The following RAF1 variants were observed in gnomAD, a reference collection of about 807,000 sequenced individuals.
The protein encoded by RAF1 is Raf-1 proto-oncogene, serine/threonine kinase.
In RAF1, 27 loss-of-function variants were observed where a neutral mutation model predicts 81.1. The observed-to-expected ratio is 0.33, with a 90% CI of 0.25 to 0.46. The LOEUF (loss-of-function observed/expected upper bound fraction) is 0.46. RAF1 is among the 20% of genes least tolerant of loss of function. The pLI, the probability that RAF1 is intolerant of heterozygous loss-of-function variation, is 1.00. For missense variants in RAF1, 598 were observed against 826.0 expected, an observed-to-expected ratio of 0.72 and a Z score of 3.38; for synonymous variants, 298 against 294.0, an observed-to-expected ratio of 1.01 and a Z score of -0.14.
At position 12,611,961 on chromosome 3, in the gene RAF1, G is replaced by A. The variant is rs1057520880; in HGVS notation, c.309C>T (p.His103=). The change falls in exon 3 of 18, where the codon CAC becomes CAT. Residue 103 remains histidine, a synonymous_variant. Coordinates refer to ENST00000442415, the MANE Select transcript of RAF1 (RefSeq NM_001354689.3). ...TTTTGAGCTCTTACCCTTTGTGTTC[G>A]TGGAGAAGTCTGAACACTGCACAGC... is the stretch of plus-strand genomic sequence containing the variant. 6.2e-6 allele frequency: 10 copies of A among 1,613,624 alleles called. No individual in the cohort carries two copies. The highest frequency in any genetic ancestry group is 4.5e-5 in the East Asian group (2 of 44,880).
intron 5 of RAF1, among the ~76,000 whole-genome samples, chr3:12,607,859 G>A (rs1173304901): frequency 1.4e-5 from 2 of 145,322 alleles, no homozygotes; most frequent in Non-Finnish European, 3.0e-5. Context: ...GCTGAGGCAG[G>A]AGAATCACTT....
chr3:12,613,649 G>A (rs2059287211), intron 2 of RAF1, among the ~76,000 whole-genome samples: 1 of 152,172 alleles, frequency 6.6e-6, no homozygotes, highest in South Asian at 2.1e-4. Context: ...GGCCCTTCTA[G>A]TTACCAGGCT....
At chr3:12,652,490 C>T (rs1355938879) in intron 1 of RAF1, among the ~76,000 whole-genome samples, 1 of 152,012 alleles carries the variant, frequency 6.6e-6, no homozygotes, top group African/African-American at 2.4e-5. Context: ...CACTGCACTC[C>T]AGCCTGGGCG....
intron 1 of RAF1, among the ~76,000 whole-genome samples, chr3:12,633,166 C>T (rs1007788993): frequency 6.6e-6 from 1 of 151,854 alleles, no homozygotes; most frequent in African/African-American, 2.4e-5. Flanking sequence ...TTTTAGGAAA[C>T]CCTCGAATAT....
intron 1 of RAF1, among the ~76,000 whole-genome samples, chr3:12,634,709 G>C (rs970348313): frequency 1.3e-5 from 2 of 152,048 alleles, no homozygotes; most frequent in East Asian, 1.9e-4. Flanking sequence ...GAGGAAAGTG[G>C]TTGGAGGAAG....
At chr3:12,601,541 A>G (rs1029969296) in intron 8 of RAF1, among the ~76,000 whole-genome samples, 5 of 152,204 alleles carry the variant, frequency 3.3e-5, no homozygotes, top group African/African-American at 1.2e-4. Context: ...ATATCCTAAA[A>G]AAGGACATTT....
intron 1 of RAF1, among the ~76,000 whole-genome samples, chr3:12,659,478 A>C (rs2060810102): frequency 6.7e-6 from 1 of 148,482 alleles, no homozygotes; most frequent in Non-Finnish European, 1.5e-5. Flanking sequence ...CTATACCAAA[A>C]GTACCAACTG....
intron 11 of RAF1, among the ~76,000 whole-genome samples, chr3:12,594,331 G>GGGGAC (rs2058620690): frequency 6.6e-6 from 1 of 152,234 alleles, no homozygotes; most frequent in African/African-American, 2.4e-5. Context: ...TTTAACGGGA[G>GGGGAC]GGGACAGGAC....
At chr3:12,602,703 T>C (rs895413191) in intron 8 of RAF1, among the ~76,000 whole-genome samples, 1 of 152,192 alleles carries the variant, frequency 6.6e-6, no homozygotes, top group African/African-American at 2.4e-5. Context: ...TATATTATTG[T>C]ATTATCAGGA....
chr3:12,653,325 T>C (rs2060591510), intron 1 of RAF1, among the ~76,000 whole-genome samples: 1 of 152,110 alleles, frequency 6.6e-6, no homozygotes, highest in African/African-American at 2.4e-5. Flanking sequence ...ACTACAGTAA[T>C]TTCATAGCCA....
Position 12,583,990 on chromosome 3 carries a change from AG to A in RAF1, c.*523del. 4 of 252,776 alleles carry A rather than the reference AG, an allele frequency of 1.6e-5. No individual in the cohort carries two copies. Among genetic ancestry groups the A allele is most frequent in the South Asian group, 1.2e-4 (1 of 8,066 alleles). The allele number at this position is 252,776 out of a possible 1,614,324, so 15.7% of individuals were successfully genotyped here. A position where few individuals can be genotyped will look rare whatever the true frequency, so the allele number is the denominator to read the frequency against. ...CCTAAGAAAAGTTCCATAGTACCAA[AG>A]CAGGCTCCTTCGGGCGGCCAGAGTC... On this transcript the variant is annotated 3_prime_UTR_variant, in exon 18 of 18. Transcript: ENST00000442415.
rs143428330 is a variant in RAF1, at chr3:12,602,127, T to C, written c.894+1351A>G. Among the ~76,000 whole-genome samples, 718 of 152,352 alleles carry C rather than the reference T, an allele frequency of 4.7e-3. 8 individuals carry two copies. Among genetic ancestry groups the C allele is most frequent in the African/African-American group, 0.016 (666 of 41,582 alleles). On this transcript the variant is annotated intron_variant, in intron 8 of 17. Coordinates refer to ENST00000442415, the MANE Select transcript of RAF1 (RefSeq NM_001354689.3). The stretch of plus-strand genomic sequence containing the variant: ...TTTTCTTCCCTGTATCAATTAAATA[T>C]CCCATATTTTATTCTGTGCTAATTT...
chr3:12,611,265 T>A (rs2059198067), intron 3 of RAF1, among the ~76,000 whole-genome samples: 1 of 152,094 alleles, frequency 6.6e-6, no homozygotes, highest in South Asian at 2.1e-4. Flanking sequence ...CAGCCCAGGC[T>A]GGAGTCCAGT....
rs1237909490 is a variant in RAF1, at chr3:12,583,620, ATTT to A, written c.*891_*893del. 2.2e-5 allele frequency: 5 copies of A among 232,168 alleles called. No individual in the cohort carries two copies. Among genetic ancestry groups the A allele is most frequent in the African/African-American group, 1.1e-4 (5 of 45,406 alleles). 14.4% of individuals were successfully genotyped at this position (232,168 alleles called of 1,614,324 possible). The stretch of plus-strand genomic sequence containing the variant: ...CAGCCATTACACCTAAATTTAATTT[ATTT>A]TATTAAAATAACATAATTGAGGGAC... On this transcript the variant is annotated 3_prime_UTR_variant, in exon 18 of 18. Transcript: ENST00000442415.
Position 12,585,832 on chromosome 3 carries a change from G to C in RAF1, c.1478-33C>G, listed in dbSNP as rs760194664. ...CTTGTTAAGGACTCTGGTTTCAAAA[G>C]AATGGTCAGGTTAATTTTGAAAAAT... On this transcript the variant is annotated intron_variant, in intron 14 of 17. Coordinates refer to ENST00000442415, the MANE Select transcript of RAF1 (RefSeq NM_001354689.3). 3.4e-6 allele frequency: 5 copies of C among 1,483,634 alleles called. No individual in the cohort carries two copies. In the Admixed American group the frequency reaches 8.4e-5, roughly 25 times the overall value. 91.9% of individuals were successfully genotyped at this position (1,483,634 alleles called of 1,614,324 possible).
chr3:12,639,313 A>C (rs2060117873), intron 1 of RAF1, among the ~76,000 whole-genome samples: 1 of 152,212 alleles, frequency 6.6e-6, no homozygotes, highest in Admixed American at 6.5e-5. Context: ...AACTGGCACC[A>C]GATAGGGATG....
At chr3:12,618,892 A>C in intron 1 of RAF1, 145 bp from the exon 2 acceptor site, 1 of 674,782 alleles carries the variant, frequency 1.5e-6, no homozygotes, top group Non-Finnish European at 2.6e-6. Flanking sequence ...AGTTTCTTTA[A>C]TAGTACACTT....
At chr3:12,643,747 A>T (rs534018321) in intron 1 of RAF1, among the ~76,000 whole-genome samples, 1 of 152,190 alleles carries the variant, frequency 6.6e-6, no homozygotes, top group African/African-American at 2.4e-5. Flanking sequence ...AAAAAAAAAA[A>T]AATAAAAATA....
intron 1 of RAF1, among the ~76,000 whole-genome samples, chr3:12,625,108 G>A (rs576845911): frequency 6.6e-6 from 1 of 151,748 alleles, no homozygotes; most frequent in Non-Finnish European, 1.5e-5. Context: ...TTTTGAGGCG[G>A]AATCTCACTC....
Sources: gnomAD v4.1 joint callset for allele counts (sites outside exome capture counted in the v4.1 genomes callset) on GRCh38, gnomAD v4.1.1 for gene constraint, MANE v1.5 for transcripts, NCBI Gene and HGNC (gene_info 2026-07-23, HGNC 2026-07-21) for gene names.